Variants in SFMBT1 observed in about 807,000 individuals in gnomAD.
SFMBT1 encodes the protein scm-like with four MBT domains protein 1.
Under a neutral mutation model 108.7 loss-of-function variants are expected in SFMBT1, and 32 were observed. The ratio of observed to expected loss-of-function variants is 0.29; its 90% CI spans 0.22 to 0.40. The LOEUF is 0.40. SFMBT1 is among the 10% of genes least tolerant of loss of function. SFMBT1 has a pLI of 1.00. For synonymous variants in SFMBT1, 348 were observed against 369.5 expected (o/e 0.94, Z 0.67); for missense variants, 816 against 1,059.6 (o/e 0.77, Z 3.19).
intron 17 of SFMBT1, among the ~76,000 whole-genome samples, chr3:52,910,207 T>G (rs1327893502): frequency 6.6e-6 from 1 of 152,304 alleles, no homozygotes; most frequent in African/African-American, 2.4e-5. Context: ...TTTCTTCCCT[T>G]GTTTGTTATC....
chr3:52,968,566 C>G (rs899321547), intron 2 of SFMBT1, among the ~76,000 whole-genome samples: 1 of 149,900 alleles, frequency 6.7e-6, no homozygotes, highest in Non-Finnish European at 1.5e-5. Context: ...AATTTTAATG[C>G]TATTTTAAAA....
intron 1 of SFMBT1, among the ~76,000 whole-genome samples, chr3:53,016,986 G>A (rs1699146824): frequency 6.6e-6 from 1 of 152,082 alleles, no homozygotes; most frequent in Non-Finnish European, 1.5e-5. Context: ...TTGTTAACTA[G>A]ATTCGTCTCC....
chr3:52,913,498 A>T lies in SFMBT1; in HGVS notation c.1600T>A (p.Cys534Ser). The T allele has an allele frequency of 6.2e-7, 1 of 1,614,040 alleles. No individual in the cohort carries two copies. Among genetic ancestry groups the T allele is most frequent in the South Asian group, 1.1e-5 (1 of 91,042 alleles). The change falls in exon 15 of 21, where the codon TGT (cysteine) becomes AGT (serine). Residue 534 changes from cysteine (C) to serine (S), a missense_variant. This residue lies in a region of SFMBT1 where 16 missense variants were observed against 57.5 expected (regional missense o/e 0.28). Coordinates refer to ENST00000394752, the MANE Select transcript of SFMBT1 (RefSeq NM_016329.4). The part of the protein sequence containing the change: ...ELPQCVGPGN[C>S]VLVLREVLTL... ...CTTACCTCTCTAAGGACCAGAACAC[A>T]GTTCCCAGGTCCTACACATTGAGGC...
chr3:53,034,810 G>A (rs1228770195), intron 1 of SFMBT1, among the ~76,000 whole-genome samples: 2 of 151,238 alleles, frequency 1.3e-5, no homozygotes, highest in Non-Finnish European at 3.0e-5. Flanking sequence ...GTGGTGGCAC[G>A]TGCCTGTAAT....
chr3:52,943,270 G>A, intron 4 of SFMBT1, 83 bp downstream of exon 4: 2 of 1,558,244 alleles, frequency 1.3e-6, no homozygotes, highest in Non-Finnish European at 1.7e-6. Context: ...ATGCTCGAGA[G>A]ACTTAAAACC....
chr3:52,973,989 T>C (rs1704433675), intron 1 of SFMBT1, among the ~76,000 whole-genome samples: 1 of 152,178 alleles, frequency 6.6e-6, no homozygotes, highest in Non-Finnish European at 1.5e-5. Flanking sequence ...TTGATTAAGA[T>C]GAGTGATTAC....
Position 52,969,253 on chromosome 3 carries a change from A to C in SFMBT1, c.-125T>G, listed in dbSNP as rs1704261143. On this transcript the variant is annotated 5_prime_UTR_variant, in exon 2 of 21. Transcript: ENST00000394752. ...CAATGGGTATCCACGGGTCCAAATG[A>C]AAGTGCTGAAAAATGAAAAAGAACA... The C allele has an allele frequency of 1.3e-6, 2 of 1,517,866 alleles. No homozygotes were observed. Among genetic ancestry groups the C allele is most frequent in the Admixed American group, 2.3e-5 (1 of 43,796 alleles). The allele number at this position is 1,517,866 out of a possible 1,614,324, so 94.0% of individuals were successfully genotyped here.
chr3:52,989,554 A>C (rs1486552905), intron 1 of SFMBT1, among the ~76,000 whole-genome samples: 1 of 151,988 alleles, frequency 6.6e-6, no homozygotes, highest in Non-Finnish European at 1.5e-5. Context: ...TAATACCAAC[A>C]CTTTGGGAGG....
chr3:52,936,832 T>C (rs570117803), intron 4 of SFMBT1, among the ~76,000 whole-genome samples: 43 of 151,956 alleles, frequency 2.8e-4, no homozygotes, highest in Non-Finnish European at 5.3e-4. Flanking sequence ...ATTTAACTCA[T>C]CCATCTAAGC....
chr3:53,015,356 T>A (rs914955693), intron 1 of SFMBT1, among the ~76,000 whole-genome samples: 1 of 152,004 alleles, frequency 6.6e-6, no homozygotes, highest in African/African-American at 2.4e-5. Context: ...TATAGGCAAT[T>A]TGAAAAAACA....
intron 1 of SFMBT1, among the ~76,000 whole-genome samples, chr3:53,033,044 A>C (rs573147633): frequency 6.6e-6 from 1 of 152,324 alleles, no homozygotes; most frequent in South Asian, 2.1e-4. Context: ...GCAAGAGCTC[A>C]TGCCTATAAT....
rs747246589 is a variant in SFMBT1, at chr3:52,943,454, C to G, written c.263G>C (p.Gly88Ala). The G allele has an allele frequency of 6.2e-7, 1 of 1,614,182 alleles. No homozygotes were observed. Among genetic ancestry groups the G allele is most frequent in the Admixed American group, 1.7e-5 (1 of 60,026 alleles). ...QLLLLRYDGYGEDRRADFWCD... is the reference protein window; with the variant it reads ...QLLLLRYDGYAEDRRADFWCD... ...CCAGAAATCTGCTCTCCGATCCTCCCCATAGCCATCATAGCGGAGAAGGAG... is the reference window on the plus strand; with the variant it reads ...CCAGAAATCTGCTCTCCGATCCTCCGCATAGCCATCATAGCGGAGAAGGAG... The change falls in exon 4 of 21, where the codon GGG becomes GCG. Residue 88 changes from glycine to alanine, a missense_variant. Around this residue, in one of 5 missense-constraint regions of SFMBT1, gnomAD observed 495 missense variants for 607.4 expected, o/e 0.81. Transcript: ENST00000394752.
intron 20 of SFMBT1, among the ~76,000 whole-genome samples, 184 bp downstream of exon 20, chr3:52,905,929 A>G (rs1454806400): frequency 6.6e-6 from 1 of 152,218 alleles, no homozygotes; most frequent in Non-Finnish European, 1.5e-5. Context: ...AATCTCCTTC[A>G]ACTATGAAGC....
intron 1 of SFMBT1, among the ~76,000 whole-genome samples, chr3:53,026,395 C>T (rs149398344): frequency 0.01 from 1,537 of 152,152 alleles, 14 homozygotes; most frequent in Middle Eastern, 0.037. Context: ...ATTCTAAAAA[C>T]ACACAAAACC....
chr3:52,934,918 A>G lies in SFMBT1; in HGVS notation c.365-17T>C, dbSNP rs755675764. ...CTCTGATGCCTAGATGAGGGAATAAATGACTGATTACTCAAAATGCCAGCC... is the reference window on the plus strand; with the variant it reads ...CTCTGATGCCTAGATGAGGGAATAAGTGACTGATTACTCAAAATGCCAGCC... On this transcript the variant is annotated splice_polypyrimidine_tract_variant and intron_variant, in intron 4 of 20. Coordinates refer to ENST00000394752, the MANE Select transcript of SFMBT1 (RefSeq NM_016329.4). The G allele has an allele frequency of 2.5e-6, 4 of 1,602,218 alleles. No homozygotes were observed. Among genetic ancestry groups the G allele is most frequent in the Middle Eastern group, 1.7e-4 (1 of 6,028 alleles).
At chr3:52,972,210 G>A (rs1704370312) in intron 1 of SFMBT1, among the ~76,000 whole-genome samples, 1 of 152,216 alleles carries the variant, frequency 6.6e-6, no homozygotes, top group South Asian at 2.1e-4. Context: ...GAGCCACAAA[G>A]TACAAAAATA....
rs777202517 is a variant in SFMBT1, at chr3:52,907,154, G to A, written c.2246C>T (p.Ser749Leu). The change falls in exon 19 of 21, where the codon TCG becomes TTG. Residue 749 changes from serine (S) to leucine (L), a missense_variant. Around this residue, in one of 5 missense-constraint regions of SFMBT1, gnomAD observed 177 missense variants for 182.0 expected, o/e 0.97. Coordinates refer to ENST00000394752, the MANE Select transcript of SFMBT1 (RefSeq NM_016329.4). ...SSPTQSEIST[S>L]LPPDRQRRKR... ...TCTCCTTTGTCTATCTGGAGGCAGCGATGTGGATATCTCACTTTGGGTGGG... is the reference window on the plus strand; with the variant it reads ...TCTCCTTTGTCTATCTGGAGGCAGCAATGTGGATATCTCACTTTGGGTGGG... The A allele has an allele frequency of 1.2e-5, 19 of 1,614,162 alleles. No individual in the cohort carries two copies. The highest frequency in any genetic ancestry group is 3.3e-5 in the South Asian group (3 of 91,082).
chr3:52,909,999 C>G (rs1401338970), intron 17 of SFMBT1, among the ~76,000 whole-genome samples: 1 of 152,146 alleles, frequency 6.6e-6, no homozygotes, highest in East Asian at 1.9e-4. Flanking sequence ...TTGATGCCCC[C>G]TCCCCAGAAC....
chr3:52,907,805 T>C, intron 17 of SFMBT1, 72 bp from the exon 18 acceptor site: 1 of 1,384,422 alleles, frequency 7.2e-7, no homozygotes, highest in Non-Finnish European at 9.9e-7. Flanking sequence ...CAAGAGATTT[T>C]ATTAGCATAG....
Sources: allele counts gnomAD v4.1 joint callset (sites outside exome capture counted in the v4.1 genomes callset), GRCh38; gene constraint gnomAD v4.1.1; regional missense constraint gnomAD v4.1.1; transcripts MANE v1.5; gene names NCBI Gene and HGNC (gene_info 2026-07-23, HGNC 2026-07-21).